Variants in SAFB observed in about 807,000 individuals in gnomAD.
The protein encoded by SAFB is scaffold attachment factor B.
In SAFB, 15 loss-of-function variants were observed where a neutral mutation model predicts 101.6. That is an observed-to-expected ratio of 0.15 (90% confidence interval 0.10 to 0.23). The LOEUF (loss-of-function observed/expected upper bound fraction) is 0.23. Among genes scored for constraint, SAFB ranks in the 10% least tolerant of loss-of-function variants. SAFB has a pLI of 1.00. For missense variants in SAFB, 930 were observed against 1,104.1 expected (o/e 0.84, Z 2.23); for synonymous variants, 449 against 407.5 (o/e 1.10, Z -1.23).
intron 2 of SAFB, among the ~76,000 whole-genome samples, chr19:5,630,992 G>C: frequency 6.6e-6 from 1 of 151,064 alleles, no homozygotes; most frequent in East Asian, 2.0e-4. Context: ...AGGAGTTCGA[G>C]ACCAGCCTGG....
intron 4 of SAFB, among the ~76,000 whole-genome samples, chr19:5,644,349 A>C (rs1250456688): frequency 6.6e-6 from 1 of 152,224 alleles, no homozygotes; most frequent in East Asian, 1.9e-4. Context: ...CTGCAGTGTA[A>C]CCATCAAAAT....
At chr19:5,642,200 C>A (rs2053731144) in intron 4 of SAFB, 1 of 535,514 alleles carries the variant, frequency 1.9e-6, no homozygotes, top group Non-Finnish European at 3.5e-6. Flanking sequence ...TCAGACTCTT[C>A]CTGTTGCCGG....
chr19:5,640,779 C>T (rs990904192), intron 2 of SAFB, among the ~76,000 whole-genome samples: 1 of 152,054 alleles, frequency 6.6e-6, no homozygotes, highest in Non-Finnish European at 1.5e-5. Context: ...TTAGTTGAGA[C>T]AGGGTTTCGT....
At chr19:5,653,034 C>T in intron 9 of SAFB, 81 bp from the exon 10 acceptor site, 1 of 1,442,450 alleles carries the variant, frequency 6.9e-7, no homozygotes. Flanking sequence ...GATGAGCAGA[C>T]TTCCCTGTGG....
chr19:5,646,028 TA>T (rs1342118183), intron 5 of SAFB, among the ~76,000 whole-genome samples: 1 of 152,182 alleles, frequency 6.6e-6, no homozygotes, highest in Admixed American at 6.5e-5. Flanking sequence ...ATGATTTTTA[TA>T]TTTGTGGGTC....
intron 14 of SAFB, among the ~76,000 whole-genome samples, chr19:5,659,136 C>T (rs1599376989): frequency 2.7e-5 from 4 of 149,472 alleles, no homozygotes; most frequent in Non-Finnish European, 4.5e-5. Context: ...AGCGAGACTC[C>T]GTCTCAAAAA....
chr19:5,666,637 A>G (rs1043373595), intron 17 of SAFB: 1 of 197,206 alleles, frequency 5.1e-6, no homozygotes, highest in South Asian at 8.6e-5. Flanking sequence ...ATATGCACAC[A>G]TTAAAGGTTT....
chr19:5,662,020 G>A (rs2054221322), intron 15 of SAFB, among the ~76,000 whole-genome samples: 2 of 152,092 alleles, frequency 1.3e-5, no homozygotes, highest in Admixed American at 6.6e-5. Context: ...GAGTAGCTGG[G>A]ACTACAGGCG....
chr19:5,648,224 C>T, intron 6 of SAFB, 181 bp downstream of exon 6: 1 of 580,724 alleles, frequency 1.7e-6, no homozygotes, highest in South Asian at 2.3e-5. Context: ...ATCACCAGAT[C>T]TGTGAAAGTG....
intron 10 of SAFB, 21 bp downstream of exon 10, chr19:5,653,285 C>T (rs2053980273): frequency 6.2e-7 from 1 of 1,614,050 alleles, no homozygotes; most frequent in Non-Finnish European, 8.5e-7. Flanking sequence ...GTTTTCTTCC[C>T]AGGATATAGC....
Position 5,661,500 on chromosome 19 carries a change from A to C in SAFB, c.1863-18A>C, listed in dbSNP as rs2054201997. On this transcript the variant is annotated intron_variant, in intron 14 of 20. Transcript: ENST00000588852. ...TGGGGGTGTCTAGGTCCCCTTCTGC[A>C]GCTCTACTGTTGTGCAGCAGGGTGC... The C allele has an allele frequency of 1.2e-6, 2 of 1,609,374 alleles. No homozygotes were observed. The highest frequency in any genetic ancestry group is 1.7e-6 in the Non-Finnish European group (2 of 1,177,370).
intron 1 of SAFB, 86 bp from the exon 2 acceptor site, chr19:5,626,318 AT>A: frequency 1.3e-6 from 1 of 784,648 alleles, no homozygotes; most frequent in Non-Finnish European, 2.2e-6. Context: ...GATCTTAAAA[AT>A]ACAGTTTCCT....
intron 5 of SAFB, 84 bp downstream of exon 5, chr19:5,645,483 T>G: frequency 1.5e-6 from 1 of 673,992 alleles, no homozygotes; most frequent in Non-Finnish European, 2.7e-6. Flanking sequence ...CATATGCCAG[T>G]TCCAGCTAAT....
chr19:5,645,348 A>G lies in SAFB; in HGVS notation c.558A>G (p.Lys186=). 1 of 1,308,048 alleles carries G rather than the reference A, an allele frequency of 7.6e-7. No homozygotes were observed. The highest frequency in any genetic ancestry group is 1.1e-6 in the Non-Finnish European group (1 of 902,312). The allele number at this position is 1,308,048 out of a possible 1,614,324, so 81.0% of individuals were successfully genotyped here. A position where few individuals can be genotyped will look rare whatever the true frequency, so the allele number is the denominator to read the frequency against. Residue 186 remains lysine, a synonymous_variant, in exon 5 of 21, where the codon AAA becomes AAG. Transcript: ENST00000588852. ...CATTTATTTTACAGATAGAGGACAA[A>G]GAAACTATAAACAATTTAGATACTT... The part of the protein sequence containing the change: ...EQLQEHAIED[K]ETINNLDTSS...
intron 1 of SAFB, among the ~76,000 whole-genome samples, chr19:5,624,223 C>CT (rs551426304): frequency 0.031 from 4,280 of 138,554 alleles, 156 homozygotes; most frequent in African/African-American, 0.094. Flanking sequence ...CTTTTCTATT[C>CT]TTTTTTTTTT....
intron 6 of SAFB, among the ~76,000 whole-genome samples, chr19:5,648,625 A>T (rs1286983534): frequency 2.6e-5 from 4 of 152,224 alleles, no homozygotes; most frequent in African/African-American, 9.7e-5. Flanking sequence ...GAAATTTGGA[A>T]ATTGAGCTGT....
At chr19:5,650,601 T>C (rs1412295468) in intron 8 of SAFB, among the ~76,000 whole-genome samples, 1 of 152,056 alleles carries the variant, frequency 6.6e-6, no homozygotes, top group Non-Finnish European at 1.5e-5. Flanking sequence ...TTAGTAGACA[T>C]GGGGTTTCAC....
chr19:5,630,963 G>C (rs966415688), intron 2 of SAFB, among the ~76,000 whole-genome samples: 1 of 150,488 alleles, frequency 6.6e-6, no homozygotes, highest in Admixed American at 6.6e-5. Context: ...AGGCTGAGGC[G>C]GGCAGATCAC....
chr19:5,666,924 C>T (rs2054339010), intron 17 of SAFB, 122 bp from the exon 18 acceptor site: 4 of 776,734 alleles, frequency 5.1e-6, no homozygotes, highest in Non-Finnish European at 9.5e-6. Flanking sequence ...ACCGATACAG[C>T]CTGCCAGCAC....
Sources: allele counts gnomAD v4.1 joint callset (sites outside exome capture counted in the v4.1 genomes callset), GRCh38; gene constraint gnomAD v4.1.1; transcripts MANE v1.5; gene names NCBI Gene and HGNC (gene_info 2026-07-23, HGNC 2026-07-21).